The following CACNA1D variants were observed in gnomAD, a reference collection of about 807,000 sequenced individuals.
CACNA1D encodes the protein calcium voltage-gated channel subunit alpha1 D.
CACNA1D carries 55 observed loss-of-function variants against 257.1 expected under a neutral mutation model. The observed-to-expected ratio is 0.21, with a 90% CI of 0.17 to 0.27. CACNA1D has a LOEUF of 0.27. Ranked by LOEUF, CACNA1D falls within the 10% of genes least tolerant of loss-of-function variation. The probability of loss-of-function intolerance (pLI) is 1.00; values close to 1 mark genes in which losing one functional copy is unlikely to be tolerated. For missense variants in CACNA1D, 1,876 were observed against 2,784.0 expected (o/e 0.67, Z 7.34); for synonymous variants, 980 against 1,014.9 (o/e 0.97, Z 0.65).
intron 3 of CACNA1D, among the ~76,000 whole-genome samples, chr3:53,650,373 A>G (rs564883320): frequency 1.3e-5 from 2 of 152,376 alleles, no homozygotes; most frequent in Admixed American, 6.5e-5. Context: ...TTCTGTTCAA[A>G]GACACCATTG....
At chr3:53,535,119 G>A (rs1226457337) in intron 3 of CACNA1D, among the ~76,000 whole-genome samples, 1 of 152,194 alleles carries the variant, frequency 6.6e-6, no homozygotes, top group African/African-American at 2.4e-5. Flanking sequence ...GCTCACACAA[G>A]GACCAGCAGA....
At position 53,747,243 on chromosome 3, in the gene CACNA1D, A is replaced by G. The variant is rs1576542467; in HGVS notation, c.3168-59A>G. 7 of 1,516,976 alleles carry G rather than the reference A, an allele frequency of 4.6e-6. No homozygotes were observed. The East Asian group carries it at 1.4e-4, about 29-fold the overall frequency. The allele number at this position is 1,516,976 out of a possible 1,614,324, so 94.0% of individuals were successfully genotyped here. On this transcript the variant is annotated intron_variant, in intron 25 of 47. Coordinates refer to ENST00000350061, the MANE Select transcript of CACNA1D (RefSeq NM_001128840.3). ...GGATTGGGGCAGTGTGTCCAACTTT[A>G]CGCTGCTTCCACCTGTCATGTGTGA...
At chr3:53,498,967 A>G (rs2107094454) in intron 2 of CACNA1D, among the ~76,000 whole-genome samples, 1 of 152,328 alleles carries the variant, frequency 6.6e-6, no homozygotes, top group South Asian at 2.1e-4. Flanking sequence ...TCGGTAAGCC[A>G]GCATGTGGCC....
At chr3:53,609,858 C>G (rs896132097) in intron 3 of CACNA1D, among the ~76,000 whole-genome samples, 4 of 152,100 alleles carry the variant, frequency 2.6e-5, no homozygotes, top group Non-Finnish European at 4.4e-5. Context: ...ACAATTGATT[C>G]TAGATCTTTT....
At chr3:53,540,635 T>C (rs1183481110) in intron 3 of CACNA1D, among the ~76,000 whole-genome samples, 2 of 152,192 alleles carry the variant, frequency 1.3e-5, no homozygotes, top group Admixed American at 6.5e-5. Flanking sequence ...GAAATAATAG[T>C]GTCACATTGT....
intron 29 of CACNA1D, among the ~76,000 whole-genome samples, chr3:53,754,490 G>A (rs1232662062): frequency 6.6e-6 from 1 of 152,188 alleles, no homozygotes; most frequent in Admixed American, 6.5e-5. Flanking sequence ...CTGTTTCATG[G>A]GGTTGTCATG....
intron 3 of CACNA1D, among the ~76,000 whole-genome samples, chr3:53,545,064 G>A (rs2092382650): frequency 6.6e-6 from 1 of 152,192 alleles, no homozygotes; most frequent in African/African-American, 2.4e-5. Flanking sequence ...CCTTCCCATT[G>A]TATTCACAAA....
chr3:53,498,716 C>T (rs913346404), intron 2 of CACNA1D, among the ~76,000 whole-genome samples: 3 of 152,150 alleles, frequency 2.0e-5, no homozygotes, highest in Admixed American at 6.5e-5. Flanking sequence ...TTTGCATGCC[C>T]TCTGTCTTTA....
chr3:53,523,434 G>A (rs1487722879), intron 3 of CACNA1D, among the ~76,000 whole-genome samples: 1 of 152,252 alleles, frequency 6.6e-6, no homozygotes, highest in Non-Finnish European at 1.5e-5. Flanking sequence ...TTATAGACCA[G>A]AAATGAGTCT....
chr3:53,700,081 T>TA (rs2094608568), intron 8 of CACNA1D, among the ~76,000 whole-genome samples: 2 of 146,134 alleles, frequency 1.4e-5, no homozygotes, highest in African/African-American at 5.1e-5. Context: ...ATTATATAAT[T>TA]TAAAAATAAA....
chr3:53,772,399 C>T (rs184540032), intron 32 of CACNA1D, among the ~76,000 whole-genome samples: 27 of 152,240 alleles, frequency 1.8e-4, no homozygotes, highest in Admixed American at 1.1e-3. Context: ...TATTCCTTTG[C>T]GACATTATCT....
At chr3:53,752,325 T>C (rs1182655251) in intron 28 of CACNA1D, among the ~76,000 whole-genome samples, 1 of 152,176 alleles carries the variant, frequency 6.6e-6, no homozygotes, top group Non-Finnish European at 1.5e-5. Context: ...ATCAGTAAAA[T>C]GGGGAAATCT....
intron 3 of CACNA1D, among the ~76,000 whole-genome samples, chr3:53,650,378 C>T (rs1366924410): frequency 6.6e-6 from 1 of 152,232 alleles, no homozygotes; most frequent in Non-Finnish European, 1.5e-5. Flanking sequence ...TTCAAAGACA[C>T]CATTGGAATC....
chr3:53,732,390 T>C (rs2108769199), intron 18 of CACNA1D, among the ~76,000 whole-genome samples: 1 of 152,286 alleles, frequency 6.6e-6, no homozygotes, highest in South Asian at 2.1e-4. Flanking sequence ...GACTGGCACA[T>C]TTATTGGCTG....
chr3:53,788,094 TTGC>T (rs2095465335), intron 40 of CACNA1D, among the ~76,000 whole-genome samples: 1 of 152,164 alleles, frequency 6.6e-6, no homozygotes, highest in Non-Finnish European at 1.5e-5. Flanking sequence ...ATCTTTGATC[TTGC>T]TGAGAGAGAG....
intron 3 of CACNA1D, among the ~76,000 whole-genome samples, chr3:53,542,689 A>G (rs1157890874): frequency 6.6e-6 from 1 of 152,230 alleles, no homozygotes; most frequent in Non-Finnish European, 1.5e-5. Flanking sequence ...TTACTTACCA[A>G]TAGACAGGAA....
At chr3:53,700,061 A>C (rs1020086782) in intron 8 of CACNA1D, among the ~76,000 whole-genome samples, 2 of 148,226 alleles carry the variant, frequency 1.3e-5, no homozygotes, top group African/African-American at 5.0e-5. Flanking sequence ...TACATTATAA[A>C]ATGTATATAA....
chr3:53,790,257 C>T (rs148231282), intron 40 of CACNA1D, among the ~76,000 whole-genome samples: 64 of 152,328 alleles, frequency 4.2e-4, no homozygotes, highest in Non-Finnish European at 8.1e-4. Flanking sequence ...CTCAGTCCTC[C>T]TCCCAGCAGA....
chr3:53,541,357 GTA>G (rs1321937489), intron 3 of CACNA1D, among the ~76,000 whole-genome samples: 1 of 152,204 alleles, frequency 6.6e-6, no homozygotes, highest in Non-Finnish European at 1.5e-5. Context: ...TATGATTACA[GTA>G]TTTTCAAAAG....
Sources: gnomAD v4.1 joint callset for allele counts (sites outside exome capture counted in the v4.1 genomes callset) on GRCh38, gnomAD v4.1.1 for gene constraint, MANE v1.5 for transcripts, NCBI Gene and HGNC (gene_info 2026-07-23, HGNC 2026-07-21) for gene names.